Variants in ZFAT observed in about 807,000 individuals in gnomAD.
ZFAT encodes the protein zinc finger protein ZFAT.
In ZFAT, 64 loss-of-function variants were observed where a neutral mutation model predicts 117.7. That is an observed-to-expected ratio of 0.54 (90% CI 0.44 to 0.67). The LOEUF (loss-of-function observed/expected upper bound fraction) is 0.67. Ranked by LOEUF, ZFAT falls within the 30% of genes least tolerant of loss-of-function variation. The pLI is 0.00. For missense variants in ZFAT, 1,433 were observed against 1,584.5 expected, an observed-to-expected ratio of 0.90 and a Z score of 1.62; for synonymous variants, 679 against 615.0, an observed-to-expected ratio of 1.10 and a Z score of -1.54.
At chr8:134,502,804 G>T (rs761732515) in intron 15 of ZFAT, among the ~76,000 whole-genome samples, 67 of 152,244 alleles carry the variant, frequency 4.4e-4, no homozygotes, top group Non-Finnish European at 7.2e-4. Context: ...TCTGTGCTGT[G>T]CCCGGCTAAG....
intron 2 of ZFAT, among the ~76,000 whole-genome samples, chr8:134,651,672 A>G (rs1180992473): frequency 6.6e-6 from 1 of 152,220 alleles, no homozygotes; most frequent in Non-Finnish European, 1.5e-5. Flanking sequence ...AGGTATAGAG[A>G]AGGACTAGCA....
intron 10 of ZFAT, 47 bp from the exon 11 acceptor site, chr8:134,565,468 C>CTT (rs1334540667): frequency 6.4e-7 from 1 of 1,566,598 alleles, no homozygotes; most frequent in Non-Finnish European, 8.7e-7. Flanking sequence ...GCCAACAGCT[C>CTT]CCACTGTGAA....
chr8:134,650,376 T>C (rs989480582), intron 2 of ZFAT, among the ~76,000 whole-genome samples: 3 of 152,108 alleles, frequency 2.0e-5, no homozygotes, highest in Non-Finnish European at 4.4e-5. Flanking sequence ...TCCGCCCACC[T>C]CAGCTTCCCA....
At chr8:134,795,559 T>C in the ZFAT span, 3 of 152,186 alleles carry the variant, frequency 2.0e-5, no homozygotes, top group African/African-American at 7.2e-5. Flanking sequence ...ATCATTTTCA[T>C]TGGGGAAAGA....
At chr8:134,544,412 A>G (rs1822533039) in intron 11 of ZFAT, among the ~76,000 whole-genome samples, 1 of 151,114 alleles carries the variant, frequency 6.6e-6, no homozygotes, top group Admixed American at 6.6e-5. Context: ...CCTAACAACA[A>G]CAACAAAAGA....
At chr8:134,487,730 C>T (rs531274272) in intron 15 of ZFAT, among the ~76,000 whole-genome samples, 6 of 152,194 alleles carry the variant, frequency 3.9e-5, no homozygotes, top group Admixed American at 6.5e-5. Context: ...TGAGAACTCA[C>T]GTCCATGCCC....
the ZFAT span, among the ~76,000 whole-genome samples, chr8:134,817,418 C>T: frequency 1.9e-5 from 2 of 108,106 alleles, no homozygotes; most frequent in South Asian, 2.7e-4. Flanking sequence ...CACACACACA[C>T]ACACACACAC....
intron 1 of ZFAT, among the ~76,000 whole-genome samples, chr8:134,664,325 G>A (rs529860996): frequency 6.6e-6 from 1 of 152,304 alleles, no homozygotes; most frequent in South Asian, 2.1e-4. Flanking sequence ...CACATGGCCT[G>A]TCCAGGGTCA....
chr8:134,600,407 C>G (rs2277139), intron 7 of ZFAT, 29 bp downstream of exon 7: 2 of 1,594,716 alleles, frequency 1.3e-6, no homozygotes, highest in Admixed American at 1.7e-5. Context: ...CCAGGGGAGA[C>G]GGGGCTGCCG....
chr8:134,548,277 G>T (rs941004840), intron 11 of ZFAT, among the ~76,000 whole-genome samples: 3 of 152,172 alleles, frequency 2.0e-5, no homozygotes, highest in African/African-American at 4.8e-5. Context: ...ACCCATTGAT[G>T]CTGTTAAACA....
intron 1 of ZFAT, among the ~76,000 whole-genome samples, chr8:134,705,660 C>T (rs890240753): frequency 1.1e-3 from 160 of 152,118 alleles, no homozygotes; most frequent in African/African-American, 3.7e-3. Context: ...TCCTGAATAG[C>T]TGGGACTACA....
chr8:134,744,109 G>A, the ZFAT span, among the ~76,000 whole-genome samples: 4 of 152,114 alleles, frequency 2.6e-5, no homozygotes, highest in Non-Finnish European at 5.9e-5. Flanking sequence ...GAATTTTCTA[G>A]TCAGGGTCTC....
chr8:134,603,936 C>T (rs959063911), intron 5 of ZFAT, among the ~76,000 whole-genome samples: 2 of 152,220 alleles, frequency 1.3e-5, no homozygotes, highest in Admixed American at 1.3e-4. Flanking sequence ...GTTTAGAACA[C>T]AGATGGGGAA....
the ZFAT span, among the ~76,000 whole-genome samples, chr8:134,780,724 C>T: frequency 1.3e-5 from 2 of 152,206 alleles, no homozygotes; most frequent in Admixed American, 6.5e-5. Flanking sequence ...CTTAGCTTTC[C>T]TCCACCTGAC....
At chr8:134,569,186 G>A (rs1341901034) in intron 10 of ZFAT, among the ~76,000 whole-genome samples, 1 of 152,212 alleles carries the variant, frequency 6.6e-6, no homozygotes, top group Non-Finnish European at 1.5e-5. Context: ...AACCCAGGAG[G>A]TGGGCAGTGT....
the ZFAT span, chr8:134,795,529 T>C: frequency 2.0e-5 from 3 of 152,178 alleles, no homozygotes; most frequent in Admixed American, 6.5e-5. Context: ...AAAGAGCCGA[T>C]AGATGGCTGA....
At chr8:134,502,323 G>C (rs999110020) in intron 15 of ZFAT, among the ~76,000 whole-genome samples, 9 of 152,228 alleles carry the variant, frequency 5.9e-5, no homozygotes, top group Admixed American at 3.3e-4. Context: ...AGTGAGAAAG[G>C]GGTCAGGGGA....
chr8:134,492,935 T>C (rs1262879873), intron 15 of ZFAT, among the ~76,000 whole-genome samples: 3 of 152,070 alleles, frequency 2.0e-5, no homozygotes, highest in African/African-American at 4.8e-5. Context: ...TCAACGGAGA[T>C]TTAAAGCCTT....
In ZFAT at chr8:134,501,473, T is replaced by C. The variant is rs1818970184; in HGVS notation, c.3492+8146A>G. On this transcript the variant is annotated intron_variant, in intron 15 of 15. Transcript: ENST00000377838. ...TCAATTCTTTTACAATTATACATAC[T>C]CTTAATCTTCTTGGAAGGATTTGAT... Among the ~76,000 whole-genome samples the C allele has an allele frequency of 2.0e-5, 3 of 152,188 alleles. No homozygotes were observed. The South Asian group carries it at 6.2e-4, about 32-fold the overall frequency.
Sources: allele counts gnomAD v4.1 joint callset (sites outside exome capture counted in the v4.1 genomes callset), GRCh38; gene constraint gnomAD v4.1.1; transcripts MANE v1.5; gene names NCBI Gene and HGNC (gene_info 2026-07-23, HGNC 2026-07-21).